Variants in PHACTR2 observed in about 807,000 individuals in gnomAD.
PHACTR2 encodes the protein chromosome 6 open reading frame 56.
A neutral mutation model predicts 76.0 loss-of-function variants in PHACTR2; 30 were observed. The observed-to-expected ratio is 0.39, with a 90% CI of 0.30 to 0.54. PHACTR2 has a LOEUF of 0.54. PHACTR2 is among the 20% of genes least tolerant of loss of function. The pLI is 0.61. For synonymous variants in PHACTR2, 292 were observed against 292.5 expected (o/e 1.00, Z 0.02); for missense variants, 696 against 781.1 (o/e 0.89, Z 1.30).
intron 1 of PHACTR2, among the ~76,000 whole-genome samples, chr6:143,706,834 G>A (rs1490389150): frequency 6.6e-6 from 1 of 152,118 alleles, no homozygotes; most frequent in Non-Finnish European, 1.5e-5. Flanking sequence ...CATCTGTGAT[G>A]GCTTATACCA....
At chr6:143,593,896 C>T (rs1582688543) in intron 1 of PHACTR2, among the ~76,000 whole-genome samples, 2 of 152,208 alleles carry the variant, frequency 1.3e-5, no homozygotes, top group East Asian at 3.8e-4. Flanking sequence ...TTGTATTTGA[C>T]AATATTCTAA....
chr6:143,735,451 A>G (rs140438079), intron 2 of PHACTR2, among the ~76,000 whole-genome samples: 55 of 152,346 alleles, frequency 3.6e-4, no homozygotes, highest in African/African-American at 3.8e-4. Context: ...TTTAAAATCC[A>G]TAATGTAAAT....
rs915260482 is a variant in PHACTR2, at chr6:143,616,968, G to A, written c.13+8646G>A. Among the ~76,000 whole-genome samples the A allele has an allele frequency of 5.3e-5, 8 of 152,174 alleles. No homozygotes were observed. The highest frequency in any genetic ancestry group is 1.2e-4 in the Non-Finnish European group (8 of 68,032). On this transcript the variant is annotated intron_variant, in intron 1 of 11. Coordinates refer to the PHACTR2 transcript ENST00000305766. The surrounding 1 kb of genome is among the most constrained non-coding windows in gnomAD (Gnocchi z 4.9). The stretch of plus-strand genomic sequence containing the variant: ...GGCCAGTGTGTCTGGGGCCTGATGA[G>A]AGGTAGGGGCCTCAGACCAATCAGG...
chr6:143,704,853 G>T (rs1778009459), intron 1 of PHACTR2, among the ~76,000 whole-genome samples: 1 of 152,124 alleles, frequency 6.6e-6, no homozygotes, highest in East Asian at 1.9e-4. Flanking sequence ...CTTTGAGATG[G>T]GATCTCGCTC....
At chr6:143,756,731 C>T (rs1349686316) in intron 4 of PHACTR2, among the ~76,000 whole-genome samples, 12 of 146,938 alleles carry the variant, frequency 8.2e-5, no homozygotes, top group East Asian at 2.1e-4. Flanking sequence ...GAAAAACTCA[C>T]TTGCTCCCTG....
Position 143,547,035 on chromosome 6 carries a change from T to TA in PHACTR2, c.217+9840dup, listed in dbSNP as rs538388507. Among the ~76,000 whole-genome samples the TA allele has an allele frequency of 9.9e-4, 141 of 142,870 alleles. No homozygotes were observed. The highest frequency in any genetic ancestry group is 7.2e-3 in the Middle Eastern group (2 of 278). The allele number at this position is 142,870 out of a possible 152,430, so 93.7% of individuals were successfully genotyped here. On this transcript the variant is annotated intron_variant, in intron 1 of 11. Coordinates refer to the PHACTR2 transcript ENST00000367584. This position sits in a 1 kb window ranked among gnomAD's most constrained non-coding sequence, Gnocchi z 4.2. ...CTGGGTAACAAAGTGTGACCCCATCTAAAAAAAAAAAAGAATATGGCTTAT... is the reference window on the plus strand; with the variant it reads ...CTGGGTAACAAAGTGTGACCCCATCTAAAAAAAAAAAAAGAATATGGCTTAT...
chr6:143,645,518 T>C (rs1259845536), intron 1 of PHACTR2, among the ~76,000 whole-genome samples: 1 of 152,224 alleles, frequency 6.6e-6, no homozygotes, highest in Non-Finnish European at 1.5e-5. Flanking sequence ...TGTTTCTTAT[T>C]CTGTAGGTCC....
rs979629506 is a variant in PHACTR2, at chr6:143,776,027, A to G, written c.1590-1301A>G. 6.6e-6 allele frequency among the ~76,000 whole-genome samples: 1 copy of G among 152,186 alleles called. No homozygotes were observed. The highest frequency in any genetic ancestry group is 2.4e-5 in the African/African-American group (1 of 41,454). ...GCACCTGTAATCCCAGCTACTCAGGAGGCTGAGGCAGTAATTTTGGAGGCA... is the reference window on the plus strand; with the variant it reads ...GCACCTGTAATCCCAGCTACTCAGGGGGCTGAGGCAGTAATTTTGGAGGCA... On this transcript the variant is annotated intron_variant, in intron 8 of 12. Coordinates refer to ENST00000440869, the MANE Select transcript of PHACTR2 (RefSeq NM_001100164.2). This position sits in a 1 kb window ranked among gnomAD's most constrained non-coding sequence, Gnocchi z 5.3.
At chr6:143,717,888 A>G (rs1582805674) in intron 2 of PHACTR2, among the ~76,000 whole-genome samples, 1 of 152,168 alleles carries the variant, frequency 6.6e-6, no homozygotes. Flanking sequence ...TTGGGACTTT[A>G]TAAAAGAAAT....
chr6:143,829,182 A>G lies in PHACTR2; in HGVS notation c.*5493A>G, dbSNP rs985596474. The G allele has an allele frequency of 4.0e-4, 59 of 147,852 alleles. No individual in the cohort carries two copies. Among genetic ancestry groups the G allele is most frequent in the African/African-American group, 1.4e-3 (54 of 39,626 alleles). 9.2% of individuals were successfully genotyped at this position (147,852 alleles called of 1,614,324 possible). Reference sequence around the variant, plus strand: ...TACTTAAAGGAGAGATCATACATGAAGAAAGCTTTTTTTTTTTTTTTTTTT... The same window carrying G: ...TACTTAAAGGAGAGATCATACATGAGGAAAGCTTTTTTTTTTTTTTTTTTT... On this transcript the variant is annotated 3_prime_UTR_variant, in exon 13 of 13. Transcript: ENST00000440869.
Position 143,625,903 on chromosome 6 carries a change from A to G in PHACTR2, c.13+17581A>G, listed in dbSNP as rs1227541010. On this transcript the variant is annotated intron_variant, in intron 1 of 11. Coordinates refer to the PHACTR2 transcript ENST00000305766. This position sits in a 1 kb window ranked among gnomAD's most constrained non-coding sequence, Gnocchi z 4.3. ...GAAAGGTAAAGCAGAGTGGTGGGGCAGGGACAACTGAAGAGCTCTTTTAGG... is the reference window on the plus strand; with the variant it reads ...GAAAGGTAAAGCAGAGTGGTGGGGCGGGGACAACTGAAGAGCTCTTTTAGG... Among the ~76,000 whole-genome samples the G allele has an allele frequency of 6.6e-6, 1 of 152,204 alleles. No individual in the cohort carries two copies. The highest frequency in any genetic ancestry group is 2.4e-5 in the African/African-American group (1 of 41,452).
intron 1 of PHACTR2, among the ~76,000 whole-genome samples, chr6:143,650,370 C>T (rs1562259272): frequency 6.6e-6 from 1 of 152,028 alleles, no homozygotes; most frequent in East Asian, 1.9e-4. Context: ...AAAAAAGAGC[C>T]CAAATAGCCG....
Position 143,827,987 on chromosome 6 carries a change from AC to A in PHACTR2, c.*4299del, listed in dbSNP as rs1409336266. 4.0e-5 allele frequency: 6 copies of A among 149,992 alleles called. No homozygotes were observed. The highest frequency in any genetic ancestry group is 8.9e-5 in the Non-Finnish European group (6 of 67,300). 9.3% of individuals were successfully genotyped at this position (149,992 alleles called of 1,614,324 possible). On this transcript the variant is annotated 3_prime_UTR_variant, in exon 13 of 13. Coordinates refer to ENST00000440869, the MANE Select transcript of PHACTR2 (RefSeq NM_001100164.2). ...GTGAAACCCTGTCTCTACTGAAAAT[AC>A]AAAAAAAAAAAAGTATCTGGGCATG...
At chr6:143,752,292 A>G (rs1779199920) in intron 3 of PHACTR2, among the ~76,000 whole-genome samples, 1 of 152,096 alleles carries the variant, frequency 6.6e-6, no homozygotes, top group Admixed American at 6.5e-5. Context: ...ATTTTTATAC[A>G]TAAGCAAGTG....
At chr6:143,686,293 T>C (rs1015233485) in intron 1 of PHACTR2, among the ~76,000 whole-genome samples, 1 of 152,106 alleles carries the variant, frequency 6.6e-6, no homozygotes. Context: ...ACTTGTTGAA[T>C]TGATTGAGAT....
At chr6:143,693,955 G>T (rs1451500956) in intron 1 of PHACTR2, among the ~76,000 whole-genome samples, 2 of 152,146 alleles carry the variant, frequency 1.3e-5, no homozygotes, top group East Asian at 3.9e-4. Flanking sequence ...TCTAGTCCCA[G>T]ATACCCAAGA....
chr6:143,605,951 C>T (rs2128436524), upstream of PHACTR2, among the ~76,000 whole-genome samples: 1 of 152,188 alleles, frequency 6.6e-6, no homozygotes, highest in East Asian at 1.9e-4. This position sits in a 1 kb window ranked among gnomAD's most constrained non-coding sequence, Gnocchi z 5.0. Context: ...CATCCATCAC[C>T]ACAAATACTT....
intron 2 of PHACTR2, among the ~76,000 whole-genome samples, chr6:143,744,464 TGG>T (rs765090292): frequency 6.6e-6 from 1 of 152,130 alleles, no homozygotes; most frequent in Non-Finnish European, 1.5e-5. Flanking sequence ...GAGGTGACGA[TGG>T]GTTTTGCAGG....
intron 1 of PHACTR2, among the ~76,000 whole-genome samples, chr6:143,564,091 T>C (rs558845073): frequency 2.0e-5 from 3 of 150,920 alleles, no homozygotes; most frequent in East Asian, 3.9e-4. Flanking sequence ...ACTTGGGTTA[T>C]TGAAATGCTT....
Sources: allele counts gnomAD v4.1 joint callset (sites outside exome capture counted in the v4.1 genomes callset), GRCh38; gene constraint gnomAD v4.1.1; non-coding constraint Gnocchi (gnomAD v3.1); transcripts MANE v1.5; gene names NCBI Gene and HGNC (gene_info 2026-07-23, HGNC 2026-07-21).